RASD2: variants seen among roughly 807,000 people sequenced by gnomAD.
RASD2 encodes GTP-binding protein Rhes.
A neutral mutation model predicts 15.8 loss-of-function variants in RASD2; 7 were observed. The observed-to-expected ratio is 0.44, with a 90% confidence interval of 0.25 to 0.83. The LOEUF (loss-of-function observed/expected upper bound fraction) is 0.83, where lower values mean the gene tolerates loss of function less well. Ranked by LOEUF, RASD2 falls within the 40% of genes least tolerant of loss-of-function variation. The pLI is 0.20. For missense variants in RASD2, 274 were observed against 382.8 expected (o/e 0.72, Z 2.37); for synonymous variants, 155 against 153.6 (o/e 1.01, Z -0.07).
In RASD2 at chr22:35,546,975, C is replaced by T; in HGVS notation, c.166C>T (p.His56Tyr). The T allele has an allele frequency of 1.2e-6, 2 of 1,614,186 alleles. No individual in the cohort carries two copies. The highest frequency in any genetic ancestry group is 1.1e-5 in the South Asian group (1 of 91,066). Reference sequence around the variant, plus strand: ...GTACACACCCACCATCGAGGACTTCCACCGTAAGGTATACAACATCCGCGG... The same window carrying T: ...GTACACACCCACCATCGAGGACTTCTACCGTAAGGTATACAACATCCGCGG... ...DQYTPTIEDF[H>Y]RKVYNIRGDM... The change falls in exon 2 of 3, where the codon CAC (histidine) becomes TAC (tyrosine). Residue 56 changes from histidine to tyrosine, a missense_variant. By Grantham distance (83) the His-to-Tyr change is moderately conservative. Coordinates refer to ENST00000216127, the MANE Select transcript of RASD2 (RefSeq NM_014310.4).
upstream of RASD2, among the ~76,000 whole-genome samples, chr22:35,537,949 CTTT>C (rs34411242): frequency 8.5e-5 from 12 of 140,566 alleles, no homozygotes; most frequent in African/African-American, 1.8e-4. Flanking sequence ...GACTTTATAT[CTTT>C]TTTTTTTTTT....
intron 1 of RASD2, among the ~76,000 whole-genome samples, 179 bp from the exon 2 acceptor site, chr22:35,546,622 G>A (rs997584918): frequency 5.9e-5 from 9 of 152,158 alleles, no homozygotes; most frequent in African/African-American, 1.9e-4. Flanking sequence ...GAAGGAAGGA[G>A]TAAAGGAGAG....
chr22:35,538,301 C>T (rs1044059892), upstream of RASD2, among the ~76,000 whole-genome samples: 5 of 151,984 alleles, frequency 3.3e-5, no homozygotes, highest in African/African-American at 1.2e-4. Context: ...CAATGGGGAG[C>T]CCTTGAAAAC....
At chr22:35,545,898 G>A (rs1050009350) in intron 1 of RASD2, among the ~76,000 whole-genome samples, 3 of 152,116 alleles carry the variant, frequency 2.0e-5, no homozygotes, top group African/African-American at 7.2e-5. Flanking sequence ...TGGAGCCTGC[G>A]GGTTTGCTTA....
At chr22:35,535,099 C>T in the RASD2 span, among the ~76,000 whole-genome samples, 990 of 152,280 alleles carry the variant, frequency 6.5e-3, 12 homozygotes, top group Middle Eastern at 0.082. Flanking sequence ...TTCTGGACAT[C>T]AAGAGTTTAT....
intron 1 of RASD2, among the ~76,000 whole-genome samples, chr22:35,543,322 C>T (rs4820197): frequency 0.61 from 93,162 of 152,060 alleles, 29,419 homozygotes; most frequent in East Asian, 0.81. Flanking sequence ...AGGGGGTCTC[C>T]GTTGAATTTC....
In RASD2 at chr22:35,550,031, T is replaced by C. The variant is rs530712985; in HGVS notation, c.272-1472T>C. Among the ~76,000 whole-genome samples the C allele has an allele frequency of 5.9e-5, 9 of 152,010 alleles. No homozygotes were observed. In the East Asian group the frequency reaches 1.7e-3, roughly 30 times the overall value. On this transcript the variant is annotated intron_variant, in intron 2 of 2. Coordinates refer to ENST00000216127, the MANE Select transcript of RASD2 (RefSeq NM_014310.4). Reference sequence around the variant, plus strand: ...ATCCCAGCTCTTTGGGAGGCCGAGGTGGGCAGATCTCTTGAGGTCAGGAGT... The same window carrying C: ...ATCCCAGCTCTTTGGGAGGCCGAGGCGGGCAGATCTCTTGAGGTCAGGAGT...
chr22:35,533,845 GGAT>G, the RASD2 span, among the ~76,000 whole-genome samples: 1 of 135,596 alleles, frequency 7.4e-6, no homozygotes, highest in Admixed American at 7.3e-5. Context: ...GTGATGATGG[GGAT>G]GATGATCACA....
At chr22:35,547,481 C>T (rs907418415) in intron 2 of RASD2, among the ~76,000 whole-genome samples, 1 of 152,194 alleles carries the variant, frequency 6.6e-6, no homozygotes, top group Non-Finnish European at 1.5e-5. Context: ...GCCTTTGCCA[C>T]CTCCTAGAGA....
At chr22:35,548,979 C>T (rs1010196101) in intron 2 of RASD2, among the ~76,000 whole-genome samples, 14 of 152,106 alleles carry the variant, frequency 9.2e-5, no homozygotes, top group Admixed American at 2.6e-4. Flanking sequence ...ACTGGGTACC[C>T]GCTGCAATGA....
chr22:35,537,231 T>TGTCCACCCTTCCCTGTGTCC (rs1934257803), upstream of RASD2, among the ~76,000 whole-genome samples: 1 of 152,382 alleles, frequency 6.6e-6, no homozygotes, highest in East Asian at 1.9e-4. Flanking sequence ...TCACTGTGTC[T>TGTCCACCCTTCCCTGTGTCC]GTCCACCCTT....
chr22:35,534,097 G>T, the RASD2 span, among the ~76,000 whole-genome samples: 1 of 152,210 alleles, frequency 6.6e-6, no homozygotes, highest in Admixed American at 6.5e-5. Flanking sequence ...AAGATCAAAG[G>T]ATAGTTGTTC....
upstream of RASD2, among the ~76,000 whole-genome samples, chr22:35,538,103 G>C (rs189346874): frequency 1.2e-3 from 179 of 151,888 alleles, no homozygotes; most frequent in African/African-American, 4.3e-3. Flanking sequence ...ACACCACCAC[G>C]CCTGGGTAGT....
At chr22:35,550,440 C>CAAAAAAA (rs397838574) in intron 2 of RASD2, among the ~76,000 whole-genome samples, 2 of 64,256 alleles carry the variant, frequency 3.1e-5, no homozygotes, top group Non-Finnish European at 2.8e-5. Context: ...GACTCCATCT[C>CAAAAAAA]AAAAAAAAAA....
chr22:35,542,115 G>A (rs1055238105), intron 1 of RASD2, among the ~76,000 whole-genome samples: 3 of 152,190 alleles, frequency 2.0e-5, no homozygotes, highest in Admixed American at 2.0e-4. Context: ...CCAGCACCAG[G>A]AGGATGACAG....
At chr22:35,549,829 A>C (rs1322996290) in intron 2 of RASD2, among the ~76,000 whole-genome samples, 6 of 152,180 alleles carry the variant, frequency 3.9e-5, no homozygotes, top group African/African-American at 1.4e-4. Flanking sequence ...GTGCAGAGGA[A>C]GGTGGCAGCC....
In RASD2 at chr22:35,547,043, C is replaced by T. The variant is rs762636687; in HGVS notation, c.234C>T (p.His78=). 2 of 1,613,964 alleles carry T rather than the reference C, an allele frequency of 1.2e-6. No individual in the cohort carries two copies. Among genetic ancestry groups the T allele is most frequent in the African/African-American group, 2.7e-5 (2 of 74,930 alleles). ...QLDILDTSGN[H]PFPAMRRLSI... is the part of the protein sequence containing the mutation. Reference sequence around the variant, plus strand: ...ACATCCTGGATACCTCTGGCAACCACCCCTTCCCCGCCATGCGCAGGCTGT... The same window carrying T: ...ACATCCTGGATACCTCTGGCAACCATCCCTTCCCCGCCATGCGCAGGCTGT... Residue 78 remains histidine (H), a synonymous_variant, in exon 2 of 3, where the codon CAC becomes CAT. Transcript: ENST00000216127.
chr22:35,544,105 G>A (rs1022606704), intron 1 of RASD2, among the ~76,000 whole-genome samples: 1 of 152,208 alleles, frequency 6.6e-6, no homozygotes, highest in Non-Finnish European at 1.5e-5. Flanking sequence ...TCTGTACCAA[G>A]CTCTAGGCTG....
At chr22:35,543,413 C>T (rs553056664) in intron 1 of RASD2, among the ~76,000 whole-genome samples, 4 of 151,950 alleles carry the variant, frequency 2.6e-5, no homozygotes, top group African/African-American at 4.8e-5. Flanking sequence ...TTCCTGAAAT[C>T]CATTCAGTCA....
Sources: gnomAD v4.1 joint callset for allele counts (sites outside exome capture counted in the v4.1 genomes callset) on GRCh38, gnomAD v4.1.1 for gene constraint, MANE v1.5 for transcripts, NCBI Gene and HGNC (gene_info 2026-07-23, HGNC 2026-07-21) for gene names.